The following ST8SIA5 variants were observed in gnomAD, a reference collection of about 807,000 sequenced individuals.
The protein encoded by ST8SIA5 is alpha-2,8-sialyltransferase 8E.
In ST8SIA5, 24 loss-of-function variants were observed where a neutral mutation model predicts 40.2. The observed-to-expected ratio is 0.60, with a 90% CI of 0.43 to 0.84. The LOEUF is 0.84. ST8SIA5 is among the 40% of genes least tolerant of loss of function. The probability of loss-of-function intolerance (pLI) is 0.00; values close to 1 mark genes in which losing one functional copy is unlikely to be tolerated. For synonymous variants in ST8SIA5, 198 were observed against 201.8 expected (o/e 0.98, Z 0.16); for missense variants, 465 against 498.5 (o/e 0.93, Z 0.64).
At chr18:46,726,815 A>G (rs2039936003) in intron 1 of ST8SIA5, among the ~76,000 whole-genome samples, 1 of 152,136 alleles carries the variant, frequency 6.6e-6, no homozygotes, top group Non-Finnish European at 1.5e-5. Flanking sequence ...GCTACTCAGG[A>G]GGCTGAGGCA....
chr18:46,751,341 T>C (rs1321208455), intron 1 of ST8SIA5, among the ~76,000 whole-genome samples: 1 of 151,954 alleles, frequency 6.6e-6, no homozygotes, highest in East Asian at 1.9e-4. Context: ...TTCCATTGTA[T>C]TTTTTAAGGA....
chr18:46,681,971 CCT>C lies in ST8SIA5; in HGVS notation c.661_662del (p.Arg221ValfsTer93). ...GCAGCTCTAGAAAGAGGGCCACTGACCTCTCTGTGATGATGCTGGGGTTCACA... is the reference window on the plus strand; with the variant it reads ...GCAGCTCTAGAAAGAGGGCCACTGACCTCTGTGATGATGCTGGGGTTCACA... The part of the protein sequence containing the change: ...VTVNPSIITE[R>X]FHKLEKWRRP... On this transcript the variant is annotated frameshift_variant and splice_region_variant, in exon 6 of 7. Transcript: ENST00000315087. LOFTEE classifies it high-confidence loss of function. 1 of 1,613,884 alleles carries C rather than the reference CCT, an allele frequency of 6.2e-7. No homozygotes were observed. The highest frequency in any genetic ancestry group is 1.7e-5 in the Admixed American group (1 of 59,994).
intron 2 of ST8SIA5, among the ~76,000 whole-genome samples, chr18:46,694,793 A>G (rs2039540396): frequency 6.6e-6 from 1 of 151,978 alleles, no homozygotes; most frequent in Non-Finnish European, 1.5e-5. Flanking sequence ...ATCTTTGGGG[A>G]GAATCTGAAG....
rs189134579 is a variant in ST8SIA5, at chr18:46,735,122, G to A, written c.131+21256C>T. 2.6e-5 allele frequency among the ~76,000 whole-genome samples: 4 copies of A among 152,334 alleles called. No individual in the cohort carries two copies. In the East Asian group the frequency reaches 5.8e-4, roughly 22 times the overall value. Reference sequence around the variant, plus strand: ...CCTGCCCTGGAAAATCGGACTCCAAGTTCTTCAACTTTTGGACTCTTGGAC... The same window carrying A: ...CCTGCCCTGGAAAATCGGACTCCAAATTCTTCAACTTTTGGACTCTTGGAC... On this transcript the variant is annotated intron_variant, in intron 1 of 6. Coordinates refer to ENST00000315087, the MANE Select transcript of ST8SIA5 (RefSeq NM_013305.6).
chr18:46,753,574 G>GAAA (rs1160590072), intron 1 of ST8SIA5, among the ~76,000 whole-genome samples: 2 of 113,658 alleles, frequency 1.8e-5, no homozygotes, highest in Non-Finnish European at 1.9e-5. Flanking sequence ...CTCCATCTCA[G>GAAA]AAAAAAAAAA....
intron 1 of ST8SIA5, among the ~76,000 whole-genome samples, chr18:46,717,948 C>T (rs4890687): frequency 9.9e-5 from 15 of 152,134 alleles, no homozygotes; most frequent in African/African-American, 3.6e-4. Flanking sequence ...CTTACTGAGA[C>T]GATGGAAGCA....
chr18:46,682,082 C>T lies in ST8SIA5; in HGVS notation c.570-18G>A, dbSNP rs760196426. ...GGTTGCACCTGCAGAAGAGAAAAGG[C>T]AGCCCAAGGTGGTTGGTCATTCAAT... On this transcript the variant is annotated intron_variant, in intron 5 of 6. Coordinates refer to ENST00000315087, the MANE Select transcript of ST8SIA5 (RefSeq NM_013305.6). The T allele has an allele frequency of 2.9e-5, 47 of 1,593,262 alleles. No homozygotes were observed. The highest frequency in any genetic ancestry group is 3.9e-5 in the Non-Finnish European group (46 of 1,170,704).
In ST8SIA5 at chr18:46,732,427, C is replaced by T. The variant is rs1404803390; in HGVS notation, c.131+23951G>A. ...GCACCCAGCACACATTGGGGTCTTC[C>T]CATATTGGGGTGCTGGGTCAGTGAC... On this transcript the variant is annotated intron_variant, in intron 1 of 6. Transcript: ENST00000315087. Among the ~76,000 whole-genome samples, 3 of 152,190 alleles carry T rather than the reference C, an allele frequency of 2.0e-5. No individual in the cohort carries two copies. In the East Asian group the frequency reaches 5.8e-4, roughly 29 times the overall value.
intron 1 of ST8SIA5, among the ~76,000 whole-genome samples, chr18:46,744,579 C>T (rs948879629): frequency 6.6e-6 from 1 of 152,162 alleles, no homozygotes; most frequent in African/African-American, 2.4e-5. Context: ...TCCTTAGATA[C>T]CTACAAAGAG....
intron 2 of ST8SIA5, among the ~76,000 whole-genome samples, chr18:46,699,458 C>A (rs1293756659): frequency 6.6e-6 from 1 of 151,800 alleles, no homozygotes; most frequent in Non-Finnish European, 1.5e-5. Context: ...CGGCTCACTG[C>A]AAGCTCCGCC....
chr18:46,749,586 C>G (rs2040176078), intron 1 of ST8SIA5, among the ~76,000 whole-genome samples: 1 of 152,144 alleles, frequency 6.6e-6, no homozygotes, highest in Admixed American at 6.5e-5. Flanking sequence ...TGTGCATAAT[C>G]AAGGTTGCTG....
At position 46,674,914 on chromosome 18, in the gene ST8SIA5, G is replaced by A. The variant is rs1047184056; in HGVS notation, c.*5128C>T. ...GCCTGGAATAGTATGGGATAGGGCA[G>A]GGAGGTGGCAGGAGGATCTCTGGGA... On this transcript the variant is annotated 3_prime_UTR_variant, in exon 7 of 7. Transcript: ENST00000315087. 1.3e-5 allele frequency: 2 copies of A among 152,312 alleles called. No homozygotes were observed. Among genetic ancestry groups the A allele is most frequent in the African/African-American group, 4.8e-5 (2 of 41,444 alleles). The allele number at this position is 152,312 out of a possible 1,614,324, so 9.4% of individuals were successfully genotyped here.
intron 1 of ST8SIA5, among the ~76,000 whole-genome samples, chr18:46,736,663 G>A (rs1486715350): frequency 6.6e-6 from 1 of 152,172 alleles, no homozygotes; most frequent in Non-Finnish European, 1.5e-5. Context: ...TGCTGAGGAA[G>A]AATGGGGAGT....
chr18:46,693,116 T>C (rs1246258088), intron 2 of ST8SIA5, among the ~76,000 whole-genome samples: 1 of 151,882 alleles, frequency 6.6e-6, no homozygotes, highest in Non-Finnish European at 1.5e-5. Context: ...TCTGTGAGTA[T>C]AACGTCTTAC....
At chr18:46,741,156 A>G (rs770586733) in intron 1 of ST8SIA5, among the ~76,000 whole-genome samples, 11 of 152,296 alleles carry the variant, frequency 7.2e-5, no homozygotes, top group Admixed American at 1.3e-4. Flanking sequence ...AAACAGAAAA[A>G]GAAACAAGTA....
In ST8SIA5 at chr18:46,688,949, C is replaced by T. The variant is rs756611252; in HGVS notation, c.312-30G>A. 1.6e-5 allele frequency: 26 copies of T among 1,596,154 alleles called. No homozygotes were observed. In the East Asian group the frequency reaches 1.8e-4, roughly 11 times the overall value. ...CAGGCAGGGAGACAGGCAGGAAAGACGTGATGCAGGAAAGATGTGATGGAG... is the reference window on the plus strand; with the variant it reads ...CAGGCAGGGAGACAGGCAGGAAAGATGTGATGCAGGAAAGATGTGATGGAG... On this transcript the variant is annotated intron_variant, in intron 3 of 6. Coordinates refer to ENST00000315087, the MANE Select transcript of ST8SIA5 (RefSeq NM_013305.6).
intron 1 of ST8SIA5, among the ~76,000 whole-genome samples, chr18:46,749,776 C>A (rs2040178792): frequency 6.6e-6 from 1 of 152,022 alleles, no homozygotes; most frequent in African/African-American, 2.4e-5. Flanking sequence ...GTTTGTGTCC[C>A]CCCAAAATTC....
rs1422479157 is a variant in ST8SIA5, at chr18:46,670,404, T to G, written c.*9638A>C. On this transcript the variant is annotated 3_prime_UTR_variant, in exon 7 of 7. Coordinates refer to ENST00000315087, the MANE Select transcript of ST8SIA5 (RefSeq NM_013305.6). ...CTTCCCCACTAAACGACCAACGACC[T>G]CAGGCTACTTGATGGTTCCTGAGAT... The G allele has an allele frequency of 6.6e-6, 1 of 152,174 alleles. No individual in the cohort carries two copies. The highest frequency in any genetic ancestry group is 1.9e-4 in the East Asian group (1 of 5,192). 9.4% of individuals were successfully genotyped at this position (152,174 alleles called of 1,614,324 possible).
intron 1 of ST8SIA5, among the ~76,000 whole-genome samples, chr18:46,725,968 A>T (rs1415962145): frequency 1.5e-4 from 5 of 34,446 alleles, no homozygotes; most frequent in African/African-American, 6.9e-4. Context: ...TTAAAAAAAA[A>T]AAAAATATAT....
Sources: allele counts gnomAD v4.1 joint callset (sites outside exome capture counted in the v4.1 genomes callset), GRCh38; gene constraint gnomAD v4.1.1; transcripts MANE v1.5; gene names NCBI Gene and HGNC (gene_info 2026-07-23, HGNC 2026-07-21).